The following CTCFL variants were observed in gnomAD, a reference collection of about 807,000 sequenced individuals.
CTCFL encodes transcriptional repressor CTCFL.
CTCFL carries 36 observed loss-of-function variants against 67.4 expected under a neutral mutation model. That is an observed-to-expected ratio of 0.53 (90% CI 0.41 to 0.71). The LOEUF (loss-of-function observed/expected upper bound fraction) is 0.71, where lower values mean the gene tolerates loss of function less well. Among genes scored for constraint, CTCFL ranks in the 30% least tolerant of loss-of-function variants. The probability of loss-of-function intolerance (pLI) is 0.00; values close to 1 mark genes in which losing one functional copy is unlikely to be tolerated. For synonymous variants in CTCFL, 324 were observed against 302.3 expected, an observed-to-expected ratio of 1.07 and a Z score of -0.75; for missense variants, 786 against 835.2, an observed-to-expected ratio of 0.94 and a Z score of 0.73.
At chr20:57,520,359 CA>C (rs2069259398) in intron 3 of CTCFL, among the ~76,000 whole-genome samples, 1 of 152,178 alleles carries the variant, frequency 6.6e-6, no homozygotes, top group African/African-American at 2.4e-5. Flanking sequence ...CTCAGACCTA[CA>C]AAGACTTCAG....
At chr20:57,500,382 G>A in intron 10 of CTCFL, 1 of 258,620 alleles carries the variant, frequency 3.9e-6, no homozygotes, top group South Asian at 3.3e-5. Flanking sequence ...AACCCAGGAG[G>A]CAGAGGTTGC....
At position 57,503,470 on chromosome 20, in the gene CTCFL, A is replaced by T; in HGVS notation, c.1806T>A (p.Ala602=). 6.2e-7 allele frequency: 1 copy of T among 1,614,190 alleles called. No individual in the cohort carries two copies. The highest frequency in any genetic ancestry group is 8.5e-7 in the Non-Finnish European group (1 of 1,180,020). The part of the protein sequence containing the change: ...LKEATKGQKE[A]AKGWKEAANG... ...TCGCGGCTTCCTTCCATCCCTTCGC[A>T]GCTTCCTTCTGACCCTTTGTGGCTT... The change falls in exon 10 of 11, where the codon GCT becomes GCA. Residue 602 remains alanine, a synonymous_variant. Coordinates refer to ENST00000243914, the MANE Select transcript of CTCFL (RefSeq NM_001386993.1).
rs1053316609 is a variant in CTCFL, at chr20:57,507,934, T to C, written c.1674+672A>G. On this transcript the variant is annotated intron_variant, in intron 9 of 10. Coordinates refer to ENST00000243914, the MANE Select transcript of CTCFL (RefSeq NM_001386993.1). ...GTCCAGTACCAACAGCACTATTCTT[T>C]TTTTTTTAATTAAAAAAGTTATTTT... 15 of 668,758 alleles carry C rather than the reference T, an allele frequency of 2.2e-5. No homozygotes were observed. In the African/African-American group the frequency reaches 2.5e-4, roughly 11 times the overall value. 41.4% of individuals were successfully genotyped at this position (668,758 alleles called of 1,614,324 possible).
intron 1 of CTCFL, 29 bp from the exon 2 acceptor site, chr20:57,524,245 A>C (rs563204865): frequency 6.4e-7 from 1 of 1,565,868 alleles, no homozygotes; most frequent in East Asian, 2.4e-5. Context: ...AGCGGTTTCC[A>C]TAGGGGGGAG....
At position 57,512,771 on chromosome 20, in the gene CTCFL, A is replaced by G. The variant is rs758578713; in HGVS notation, c.1331-19T>C. 19 of 1,612,060 alleles carry G rather than the reference A, an allele frequency of 1.2e-5. No individual in the cohort carries two copies. The highest frequency in any genetic ancestry group is 1.7e-5 in the Admixed American group (1 of 59,960). On this transcript the variant is annotated intron_variant, in intron 7 of 10. Coordinates refer to ENST00000243914, the MANE Select transcript of CTCFL (RefSeq NM_001386993.1). The stretch of plus-strand genomic sequence containing the variant: ...TGCACACCTAAAATGGTCACAGAAC[A>G]TTATATACTTCAAGAGTGTTGTTTT...
rs536304823 is a variant in CTCFL at position 57,518,658 on chromosome 20, C to G, written c.1059+100G>C. ...TAAATTTTATATGAATAATAAAAAG[C>G]CTGTTTGTAACAGATTCTACTGTTA... On this transcript the variant is annotated intron_variant, in intron 5 of 10. Coordinates refer to ENST00000243914, the MANE Select transcript of CTCFL (RefSeq NM_001386993.1). 9.4e-4 allele frequency: 1,495 copies of G among 1,597,856 alleles called. 2 individuals are homozygous for G. Among genetic ancestry groups the G allele is most frequent in the Non-Finnish European group, 1.2e-3 (1,427 of 1,168,084 alleles).
Position 57,523,862 on chromosome 20 carries a change from G to A in CTCFL, c.344C>T (p.Pro115Leu). ...QEGVQVVVQQPGPGLLWLEEG... is the reference protein window; with the variant it reads ...QEGVQVVVQQLGPGLLWLEEG... ...CTCAAGCCACAGCAACCCAGGGCCA[G>A]GCTGTTGCACCACCACCTGCACCCC... The change falls in exon 2 of 11, where the codon CCT (proline) becomes CTT (leucine). Residue 115 changes from proline to leucine, a missense_variant. By Grantham distance (98) the Pro-to-Leu change is moderately conservative. Around this residue, in one of 3 missense-constraint regions of CTCFL, gnomAD observed 333 missense variants for 304.6 expected, o/e 1.09. Coordinates refer to ENST00000243914, the MANE Select transcript of CTCFL (RefSeq NM_001386993.1). 6.2e-7 allele frequency: 1 copy of A among 1,613,232 alleles called. No homozygotes were observed. Among genetic ancestry groups the A allele is most frequent in the Non-Finnish European group, 8.5e-7 (1 of 1,180,034 alleles).
rs566081083 is a variant in CTCFL at position 57,501,893 on chromosome 20, C to T, written c.1840+1543G>A. ...AGAATGAGGGCTCTGGGCACCTGGG[C>T]AGGCTCGTCCCCACCCTGTGATGGA... On this transcript the variant is annotated intron_variant, in intron 10 of 10. Coordinates refer to ENST00000243914, the MANE Select transcript of CTCFL (RefSeq NM_001386993.1). 1.2e-3 allele frequency among the ~76,000 whole-genome samples: 188 copies of T among 152,354 alleles called. 2 individuals carry two copies. Among genetic ancestry groups the T allele is most frequent in the African/African-American group, 4.3e-3 (179 of 41,582 alleles).
At chr20:57,510,833 G>C (rs2068503953) in intron 8 of CTCFL, among the ~76,000 whole-genome samples, 1 of 152,120 alleles carries the variant, frequency 6.6e-6, no homozygotes, top group African/African-American at 2.4e-5. Context: ...TCTAGCCTGG[G>C]CAACAGAGTG....
intron 3 of CTCFL, among the ~76,000 whole-genome samples, chr20:57,520,965 A>G (rs1435936927): frequency 6.6e-6 from 1 of 152,238 alleles, no homozygotes; most frequent in Non-Finnish European, 1.5e-5. Flanking sequence ...GACATACAGG[A>G]ATAATTCCAT....
At chr20:57,524,249 G>T (rs11699220) in intron 1 of CTCFL, 33 bp from the exon 2 acceptor site, 44 of 1,575,076 alleles carry the variant, frequency 2.8e-5, no homozygotes, top group South Asian at 5.9e-5. Flanking sequence ...GTTTCCATAG[G>T]GGGGAGAAGG....
At chr20:57,524,796 A>C in intron 1 of CTCFL, 1 of 982,582 alleles carries the variant, frequency 1.0e-6, no homozygotes, top group Non-Finnish European at 1.2e-6. Flanking sequence ...GCCCACCCAG[A>C]CTTGGCCAAG....
chr20:57,504,681 G>A (rs2068104806), intron 9 of CTCFL, among the ~76,000 whole-genome samples: 1 of 151,844 alleles, frequency 6.6e-6, no homozygotes, highest in African/African-American at 2.4e-5. Flanking sequence ...GGAGGACCTG[G>A]GGGCTGAAAT....
chr20:57,507,336 C>A (rs141687990), intron 9 of CTCFL: 1 of 492,888 alleles, frequency 2.0e-6, no homozygotes, highest in East Asian at 3.7e-5. Flanking sequence ...GGATTACAAG[C>A]GTGCACTACC....
At chr20:57,512,078 G>C (rs2068602272) in intron 8 of CTCFL, among the ~76,000 whole-genome samples, 1 of 152,192 alleles carries the variant, frequency 6.6e-6, no homozygotes, top group Non-Finnish European at 1.5e-5. Context: ...AGGTGCGTAT[G>C]CCGGCTTCTC....
chr20:57,508,223 A>G (rs2068327670), intron 9 of CTCFL, among the ~76,000 whole-genome samples: 1 of 152,162 alleles, frequency 6.6e-6, no homozygotes, highest in Admixed American at 6.5e-5. Context: ...AGACACCAAT[A>G]ACATTATTCT....
chr20:57,511,571 T>TA (rs1187774377), intron 8 of CTCFL, among the ~76,000 whole-genome samples: 3 of 151,372 alleles, frequency 2.0e-5, no homozygotes, highest in South Asian at 2.1e-4. Context: ...AAAGTTGCTT[T>TA]AAAAAAATCA....
At chr20:57,503,385 C>T (rs1454763558) in intron 10 of CTCFL, 51 bp downstream of exon 10, 3 of 1,607,130 alleles carry the variant, frequency 1.9e-6, no homozygotes, top group African/African-American at 1.3e-5. Context: ...AGGATAGTCA[C>T]AACCAGAAAA....
In CTCFL at chr20:57,508,631, T is replaced by A. The variant is rs1175805709; in HGVS notation, c.1649A>T (p.Lys550Met). ...NFIPTVYKCS[K>M]CGKGFSRWIN... ...CCAGCGGGAAAAGCCTTTGCCACAC[T>A]TGGAGCATTTGTAAACAGTCGGGAT... Residue 550 changes from lysine (K) to methionine (M), a missense_variant, in exon 9 of 11, where the codon AAG (lysine) becomes ATG (methionine). Coordinates refer to ENST00000243914, the MANE Select transcript of CTCFL (RefSeq NM_001386993.1). 1 of 1,614,108 alleles carries A rather than the reference T, an allele frequency of 6.2e-7. No individual in the cohort carries two copies. Among genetic ancestry groups the A allele is most frequent in the African/African-American group, 1.3e-5 (1 of 74,932 alleles).
Sources: allele counts gnomAD v4.1 joint callset (sites outside exome capture counted in the v4.1 genomes callset), GRCh38; gene constraint gnomAD v4.1.1; regional missense constraint gnomAD v4.1.1; transcripts MANE v1.5; gene names NCBI Gene and HGNC (gene_info 2026-07-23, HGNC 2026-07-21).